Variants in CNTNAP2 observed in about 807,000 individuals in gnomAD.
CNTNAP2 encodes contactin-associated protein-like 2.
Under a neutral mutation model 155.2 loss-of-function variants are expected in CNTNAP2, and 98 were observed. The observed-to-expected ratio is 0.63, with a 90% CI of 0.54 to 0.75. CNTNAP2 has a LOEUF of 0.75. Among genes scored for constraint, CNTNAP2 ranks in the 30% least tolerant of loss-of-function variants. The pLI is 0.00. For synonymous variants in CNTNAP2, 651 were observed against 631.2 expected (o/e 1.03, Z -0.47); for missense variants, 1,727 against 1,688.1 (o/e 1.02, Z -0.40).
intron 13 of CNTNAP2, among the ~76,000 whole-genome samples, chr7:147,898,529 T>C (rs1332698480): frequency 1.4e-5 from 2 of 140,056 alleles, no homozygotes; most frequent in Non-Finnish European, 3.2e-5. Flanking sequence ...CAGATTTTTT[T>C]TTCTTTTTTT....
At chr7:147,493,013 C>T (rs535389865) in intron 11 of CNTNAP2, among the ~76,000 whole-genome samples, 1 of 152,002 alleles carries the variant, frequency 6.6e-6, no homozygotes, top group Non-Finnish European at 1.5e-5. Flanking sequence ...AAAAAAAGTG[C>T]TTTTTAAATT....
chr7:146,132,646 A>G (rs1202004740), intron 1 of CNTNAP2, among the ~76,000 whole-genome samples: 3 of 146,022 alleles, frequency 2.1e-5, no homozygotes, highest in Admixed American at 1.4e-4. Flanking sequence ...ATTCCCACCT[A>G]TGAGTGAGAA....
chr7:146,160,969 C>G (rs1052369190), intron 1 of CNTNAP2, among the ~76,000 whole-genome samples: 1 of 152,156 alleles, frequency 6.6e-6, no homozygotes, highest in Non-Finnish European at 1.5e-5. Context: ...TACTGGGAAC[C>G]CGAATCCAGC....
At chr7:146,391,853 AG>A (rs1795549372) in intron 1 of CNTNAP2, among the ~76,000 whole-genome samples, 1 of 152,250 alleles carries the variant, frequency 6.6e-6, no homozygotes, top group African/African-American at 2.4e-5. Context: ...AGAGGGTAGA[AG>A]GAAGAGAGGA....
chr7:148,355,259 A>G (rs180833523), intron 21 of CNTNAP2, among the ~76,000 whole-genome samples: 5,360 of 131,840 alleles, frequency 0.041, 104 homozygotes, highest in African/African-American at 0.056. Flanking sequence ...TCGGCTCACT[A>G]CAAGCTCCGC....
intron 3 of CNTNAP2, among the ~76,000 whole-genome samples, chr7:146,950,474 G>A (rs1393735094): frequency 6.6e-6 from 1 of 151,956 alleles, no homozygotes; most frequent in Non-Finnish European, 1.5e-5. Context: ...GCACCGATGT[G>A]TGATCTTCCC....
intron 14 of CNTNAP2, among the ~76,000 whole-genome samples, chr7:147,913,866 A>G (rs1800111484): frequency 2.6e-5 from 4 of 152,168 alleles, no homozygotes; most frequent in Admixed American, 2.6e-4. Flanking sequence ...TGGCAATGGG[A>G]CTGGAAACAT....
At chr7:148,326,025 C>T (rs965767399) in intron 21 of CNTNAP2, among the ~76,000 whole-genome samples, 3 of 152,168 alleles carry the variant, frequency 2.0e-5, no homozygotes, top group Non-Finnish European at 4.4e-5. Context: ...TTTCTCCAAC[C>T]TGGAGACTCT....
intron 1 of CNTNAP2, among the ~76,000 whole-genome samples, chr7:146,453,987 T>C (rs974624755): frequency 2.0e-5 from 3 of 151,786 alleles, no homozygotes; most frequent in Non-Finnish European, 4.4e-5. Context: ...ATTTCCAAAT[T>C]CGATGAAAAC....
intron 1 of CNTNAP2, among the ~76,000 whole-genome samples, chr7:146,677,628 T>C (rs1800424609): frequency 6.6e-6 from 1 of 152,136 alleles, no homozygotes; most frequent in African/African-American, 2.4e-5. Context: ...CAGTGTCTGT[T>C]GTTCCGAGGA....
intron 22 of CNTNAP2, among the ~76,000 whole-genome samples, chr7:148,407,140 ATTCAAG>A (rs1563076510): frequency 6.5e-5 from 2 of 30,538 alleles, no homozygotes; most frequent in African/African-American, 1.8e-4. Flanking sequence ...CAAGGTTTTT[ATTCAAG>A]GTTTTTATTA....
At chr7:146,275,980 A>G (rs1038260761) in intron 1 of CNTNAP2, among the ~76,000 whole-genome samples, 20 of 152,310 alleles carry the variant, frequency 1.3e-4, no homozygotes, top group African/African-American at 4.1e-4. Flanking sequence ...CGTGGATACT[A>G]CCAAATATCC....
intron 1 of CNTNAP2, among the ~76,000 whole-genome samples, chr7:146,623,158 G>A (rs534353389): frequency 6.6e-6 from 1 of 152,084 alleles, no homozygotes; most frequent in South Asian, 2.1e-4. Flanking sequence ...TATTTCCAAA[G>A]TTGCCTAGGT....
intron 8 of CNTNAP2, among the ~76,000 whole-genome samples, chr7:147,225,798 G>GGAAA (rs1477901570): frequency 7.0e-5 from 5 of 71,182 alleles, no homozygotes; most frequent in East Asian, 3.2e-4. Flanking sequence ...AAGGAAGGAA[G>GGAAA]GAAAGAAAGA....
At chr7:146,830,058 C>T (rs534008941) in intron 2 of CNTNAP2, among the ~76,000 whole-genome samples, 170 of 152,056 alleles carry the variant, frequency 1.1e-3, no homozygotes, top group Non-Finnish European at 1.6e-3. Context: ...AATATCTTCT[C>T]CCAATCTATA....
intron 9 of CNTNAP2, among the ~76,000 whole-genome samples, chr7:147,376,838 T>C (rs1796442761): frequency 6.6e-6 from 1 of 152,002 alleles, no homozygotes; most frequent in Admixed American, 6.6e-5. Context: ...ACAGTAACAC[T>C]ACTGTATATT....
intron 1 of CNTNAP2, among the ~76,000 whole-genome samples, chr7:146,665,535 A>G (rs1800175063): frequency 6.6e-6 from 1 of 151,730 alleles, no homozygotes; most frequent in South Asian, 2.1e-4. Context: ...TAATCCCAGC[A>G]CTTTGGGAGG....
At chr7:146,865,564 CA>C (rs1210862511) in intron 3 of CNTNAP2, among the ~76,000 whole-genome samples, 4 of 152,006 alleles carry the variant, frequency 2.6e-5, no homozygotes, top group African/African-American at 4.8e-5. Context: ...ATAGTCTTTT[CA>C]ACAAATGGTG....
chr7:146,482,887 T>C (rs1346498649), intron 1 of CNTNAP2, among the ~76,000 whole-genome samples: 1 of 152,086 alleles, frequency 6.6e-6, no homozygotes, highest in Non-Finnish European at 1.5e-5. Flanking sequence ...AACAGTGACA[T>C]TACTTAATGT....
Sources: allele counts gnomAD v4.1 joint callset (sites outside exome capture counted in the v4.1 genomes callset), GRCh38; gene constraint gnomAD v4.1.1; transcripts MANE v1.5; gene names NCBI Gene and HGNC (gene_info 2026-07-23, HGNC 2026-07-21).